Variants in PLD5 observed in about 807,000 individuals in gnomAD.
PLD5 encodes phospholipase D family member 5.
Under a neutral mutation model 61.1 loss-of-function variants are expected in PLD5, and 36 were observed. The ratio of observed to expected loss-of-function variants is 0.59; its 90% CI spans 0.45 to 0.78. PLD5 has a LOEUF of 0.78. Ranked by LOEUF, PLD5 falls within the 30% of genes least tolerant of loss-of-function variation. The pLI is 0.00. For missense variants in PLD5, 515 were observed against 644.4 expected (o/e 0.80, Z 2.17); for synonymous variants, 243 against 242.8 (o/e 1.00, Z -0.01).
intron 5 of PLD5, among the ~76,000 whole-genome samples, chr1:242,215,292 T>C (rs1433676065): frequency 2.0e-5 from 3 of 152,024 alleles, no homozygotes; most frequent in African/African-American, 4.8e-5. Flanking sequence ...TTTTGTCACA[T>C]GTGGAATATC....
Position 242,471,696 on chromosome 1 carries a change from T to C in PLD5, c.189+52392A>G, listed in dbSNP as rs553415430. ...GTAAATACTAGATATCCATACACAA[T>C]ACACAATGACAACACTGGCTGGATT... On this transcript the variant is annotated intron_variant, in intron 1 of 9. Transcript: ENST00000536534. Among the ~76,000 whole-genome samples, 11 of 152,246 alleles carry C rather than the reference T, an allele frequency of 7.2e-5. No individual in the cohort carries two copies. In the South Asian group the frequency reaches 2.3e-3, roughly 32 times the overall value.
intron 1 of PLD5, among the ~76,000 whole-genome samples, chr1:242,484,479 G>C (rs562117822): frequency 4.7e-4 from 72 of 152,224 alleles, no homozygotes; most frequent in Middle Eastern, 6.8e-3. Flanking sequence ...TAAATTCCTC[G>C]ACACGTACAC....
chr1:242,467,710 T>C (rs1322389114), intron 1 of PLD5, among the ~76,000 whole-genome samples: 8 of 152,158 alleles, frequency 5.3e-5, no homozygotes, highest in South Asian at 2.1e-4. Flanking sequence ...GACACAATCA[T>C]TGAAGTTACC....
intron 5 of PLD5, among the ~76,000 whole-genome samples, chr1:242,152,522 C>G (rs1345413568): frequency 1.3e-5 from 2 of 150,428 alleles, no homozygotes; most frequent in Non-Finnish European, 3.0e-5. Context: ...TACCCCCTAA[C>G]AGGCCCCAGT....
At chr1:242,307,289 G>GA (rs1220535262) in intron 2 of PLD5, among the ~76,000 whole-genome samples, 8 of 152,024 alleles carry the variant, frequency 5.3e-5, no homozygotes, top group African/African-American at 1.9e-4. Context: ...ACTATTCCTA[G>GA]AAAAATGCAC....
intron 1 of PLD5, among the ~76,000 whole-genome samples, chr1:242,449,690 T>G (rs1187198440): frequency 6.6e-6 from 1 of 152,320 alleles, no homozygotes; most frequent in Middle Eastern, 3.4e-3. Context: ...CCTTTTAATC[T>G]GAGAGGAGTT....
intron 2 of PLD5, among the ~76,000 whole-genome samples, chr1:242,312,287 T>C (rs1191745084): frequency 6.6e-6 from 1 of 152,010 alleles, no homozygotes; most frequent in Non-Finnish European, 1.5e-5. Context: ...ATTGGGCATT[T>C]GAAAAAAATA....
intron 1 of PLD5, among the ~76,000 whole-genome samples, chr1:242,373,721 G>A (rs546432905): frequency 7.6e-4 from 116 of 152,120 alleles, no homozygotes; most frequent in Non-Finnish European, 1.3e-3. Flanking sequence ...AACACCGCAC[G>A]TTCTCACTCA....
rs1285215013 is a variant in PLD5 at position 242,524,258 on chromosome 1, C to A, written c.19G>T (p.Glu7Ter). MEIRQH[E>*]WLSASPHEGF... Reference sequence around the variant, plus strand: ...TCATGGGGGGAGGCCGAGAGCCACTCGTGCTGCCGGATCTCCATCCTGACA... The same window carrying A: ...TCATGGGGGGAGGCCGAGAGCCACTAGTGCTGCCGGATCTCCATCCTGACA... The change falls in exon 1 of 10, where the codon GAG (glutamate) becomes TAG (stop). Residue 7 changes from glutamate to a stop codon, truncating the protein, a stop_gained. Coordinates refer to ENST00000536534, the MANE Select transcript of PLD5 (RefSeq NM_001372062.1). LOFTEE classifies it high-confidence loss of function. 41 of 1,487,270 alleles carry A rather than the reference C, an allele frequency of 2.8e-5. 1 individual carries two copies. Among genetic ancestry groups the A allele is most frequent in the Non-Finnish European group, 3.7e-5 (41 of 1,123,206 alleles). The allele number at this position is 1,487,270 out of a possible 1,614,324, so 92.1% of individuals were successfully genotyped here.
intron 2 of PLD5, among the ~76,000 whole-genome samples, chr1:242,340,033 A>G (rs1401445491): frequency 6.6e-6 from 1 of 152,230 alleles, no homozygotes; most frequent in East Asian, 1.9e-4. Context: ...GCACTGATAA[A>G]AGGGAAAATA....
At chr1:242,097,971 C>T (rs1645870852) in intron 9 of PLD5, among the ~76,000 whole-genome samples, 1 of 152,160 alleles carries the variant, frequency 6.6e-6, no homozygotes, top group African/African-American at 2.4e-5. Flanking sequence ...ATATGGCTAG[C>T]CAGTTTTCCC....
At chr1:242,241,540 T>C (rs1371745041) in intron 4 of PLD5, among the ~76,000 whole-genome samples, 2 of 147,686 alleles carry the variant, frequency 1.4e-5, no homozygotes, top group East Asian at 4.0e-4. Context: ...TTAGTAGTTC[T>C]GGGTAGTGCT....
chr1:242,363,270 A>G (rs981003395), intron 1 of PLD5, among the ~76,000 whole-genome samples: 2 of 151,904 alleles, frequency 1.3e-5, no homozygotes, highest in Non-Finnish European at 2.9e-5. Flanking sequence ...AAATAGAGTA[A>G]TTAGAAAGGT....
At chr1:242,232,712 G>A (rs1417662756) in intron 4 of PLD5, among the ~76,000 whole-genome samples, 1 of 151,986 alleles carries the variant, frequency 6.6e-6, no homozygotes, top group African/African-American at 2.4e-5. Flanking sequence ...GCAAGGTGGT[G>A]GGTGCCTGCA....
intron 2 of PLD5, among the ~76,000 whole-genome samples, chr1:242,338,811 A>G (rs1274255653): frequency 6.6e-6 from 1 of 152,238 alleles, no homozygotes; most frequent in Non-Finnish European, 1.5e-5. Context: ...AAATACTAAT[A>G]CATGCCATCT....
intron 1 of PLD5, among the ~76,000 whole-genome samples, chr1:242,519,326 T>C (rs2103010414): frequency 6.6e-6 from 1 of 152,324 alleles, no homozygotes; most frequent in East Asian, 1.9e-4. Context: ...AGGAGGCAAG[T>C]GTGCACTTGG....
chr1:242,241,187 A>G (rs1671976822), intron 4 of PLD5, among the ~76,000 whole-genome samples: 1 of 152,190 alleles, frequency 6.6e-6, no homozygotes, highest in African/African-American at 2.4e-5. Flanking sequence ...GGTCAGACCC[A>G]CAAGCACTGC....
chr1:242,458,544 C>T (rs1667014145), intron 1 of PLD5, among the ~76,000 whole-genome samples: 1 of 152,236 alleles, frequency 6.6e-6, no homozygotes, highest in African/African-American at 2.4e-5. Context: ...TTAACAATAG[C>T]TATGACTGGT....
chr1:242,087,349 T>C lies in PLD5; in HGVS notation c.*2505A>G, dbSNP rs1485738008. 3.9e-5 allele frequency: 6 copies of C among 152,176 alleles called. No individual in the cohort carries two copies. Among genetic ancestry groups the C allele is most frequent in the Admixed American group, 1.3e-4 (2 of 15,268 alleles). The allele number at this position is 152,176 out of a possible 1,614,324, so 9.4% of individuals were successfully genotyped here. On this transcript the variant is annotated 3_prime_UTR_variant, in exon 10 of 10. Coordinates refer to ENST00000536534, the MANE Select transcript of PLD5 (RefSeq NM_001372062.1). ...GGAAATGGCAATGATGGTCATTCCG[T>C]AATGGATGACATTCTCTTCTCGTAG... is the stretch of plus-strand genomic sequence containing the variant.
Sources: gnomAD v4.1 joint callset for allele counts (sites outside exome capture counted in the v4.1 genomes callset) on GRCh38, gnomAD v4.1.1 for gene constraint, MANE v1.5 for transcripts, NCBI Gene and HGNC (gene_info 2026-07-23, HGNC 2026-07-21) for gene names.